LUZP2: variants seen among roughly 807,000 people sequenced by gnomAD.
The protein encoded by LUZP2 is leucine zipper protein 2.
In LUZP2, 52 loss-of-function variants were observed where a neutral mutation model predicts 51.6. The observed-to-expected ratio is 1.01, with a 90% confidence interval of 0.81 to 1.27. The LOEUF is 1.27. Among genes scored for constraint, LUZP2 ranks in the 50% most tolerant of loss-of-function variants. LUZP2 has a pLI of 0.00. For missense variants in LUZP2, 436 were observed against 395.4 expected (o/e 1.10, Z -0.87); for synonymous variants, 154 against 137.3 (o/e 1.12, Z -0.85).
intron 5 of LUZP2, among the ~76,000 whole-genome samples, chr11:24,861,909 G>C (rs1346723096): frequency 6.6e-6 from 1 of 152,090 alleles, no homozygotes; most frequent in African/African-American, 2.4e-5. Flanking sequence ...AAGTAAACAA[G>C]CCTGTTTATG....
intron 9 of LUZP2, among the ~76,000 whole-genome samples, chr11:25,017,318 TG>T (rs1363510969): frequency 6.6e-6 from 1 of 152,172 alleles, no homozygotes; most frequent in African/African-American, 2.4e-5. Flanking sequence ...GCTTTCCCTT[TG>T]GGGACTTAGT....
At position 24,699,086 on chromosome 11, in the gene LUZP2, A is replaced by AACACACACAC. The variant is rs67317108; in HGVS notation, c.63-30050_63-30041dup. Among the ~76,000 whole-genome samples the AACACACACAC allele has an allele frequency of 6.7e-3, 926 of 138,442 alleles. 10 individuals are homozygous for AACACACACAC. Among genetic ancestry groups the AACACACACAC allele is most frequent in the East Asian group, 0.023 (104 of 4,468 alleles). 90.8% of individuals were successfully genotyped at this position (138,442 alleles called of 152,430 possible). A position where few individuals can be genotyped will look rare whatever the true frequency, so the allele number is the denominator to read the frequency against. ...TAAATAAATGAAAACAAACCACAGA[A>AACACACACAC]ACACACACACACACACACACACACA... On this transcript the variant is annotated intron_variant, in intron 1 of 11. Transcript: ENST00000336930.
At chr11:24,591,747 C>G (rs1054106206) in intron 1 of LUZP2, among the ~76,000 whole-genome samples, 1 of 152,138 alleles carries the variant, frequency 6.6e-6, no homozygotes, top group Non-Finnish European at 1.5e-5. Context: ...AACATCTAAA[C>G]ACCATTCTAT....
intron 1 of LUZP2, among the ~76,000 whole-genome samples, chr11:24,655,283 C>T (rs1030523824): frequency 3.3e-5 from 5 of 152,012 alleles, no homozygotes; most frequent in Non-Finnish European, 5.9e-5. Flanking sequence ...GAATTATACA[C>T]GATTTTATTA....
At chr11:24,964,449 G>A (rs1855522621) in intron 7 of LUZP2, among the ~76,000 whole-genome samples, 1 of 152,090 alleles carries the variant, frequency 6.6e-6, no homozygotes, top group Non-Finnish European at 1.5e-5. Flanking sequence ...ATTAGTTAAG[G>A]TAGTATTAAT....
chr11:25,004,069 C>T (rs981881492), intron 9 of LUZP2, among the ~76,000 whole-genome samples: 1 of 152,142 alleles, frequency 6.6e-6, no homozygotes, highest in East Asian at 1.9e-4. Flanking sequence ...ATTTCCTGGC[C>T]CTCAATGGTT....
chr11:24,964,840 C>CAT (rs1270540356), intron 7 of LUZP2, among the ~76,000 whole-genome samples: 1 of 151,708 alleles, frequency 6.6e-6, no homozygotes, highest in Non-Finnish European at 1.5e-5. Flanking sequence ...AATCCAGGTT[C>CAT]ATATATATCA....
chr11:24,872,257 A>G (rs1410314796), intron 5 of LUZP2, among the ~76,000 whole-genome samples: 1 of 152,104 alleles, frequency 6.6e-6, no homozygotes, highest in Admixed American at 6.6e-5. Flanking sequence ...TACCAGTGCT[A>G]GTCTAATTCA....
At chr11:24,986,135 C>T (rs772027102) in intron 9 of LUZP2, among the ~76,000 whole-genome samples, 13 of 151,640 alleles carry the variant, frequency 8.6e-5, no homozygotes, top group Non-Finnish European at 1.9e-4. Context: ...TGTGTTTATT[C>T]AGAATGATAA....
At position 25,055,185 on chromosome 11, in the gene LUZP2, A is replaced by G. The variant is rs555121637; in HGVS notation, c.858+5055A>G. 1.1e-4 allele frequency among the ~76,000 whole-genome samples: 16 copies of G among 150,554 alleles called. No individual in the cohort carries two copies. In the East Asian group the frequency reaches 2.2e-3, roughly 20 times the overall value. On this transcript the variant is annotated intron_variant, in intron 10 of 11. Transcript: ENST00000336930. ...GCCACCATGACCAGCTAATTTTTGT[A>G]TTTTTAGTAGAGACGGGCTTTCACC...
intron 1 of LUZP2, among the ~76,000 whole-genome samples, chr11:24,584,846 G>T (rs900056949): frequency 6.6e-6 from 1 of 152,074 alleles, no homozygotes; most frequent in East Asian, 1.9e-4. Flanking sequence ...GATCCTAACT[G>T]GCCAGCAACC....
chr11:24,502,608 AC>A (rs1369842634), intron 1 of LUZP2, among the ~76,000 whole-genome samples: 1 of 151,632 alleles, frequency 6.6e-6, no homozygotes, highest in Non-Finnish European at 1.5e-5. Context: ...CTGGTCTTGA[AC>A]CCATGACCTC....
chr11:24,665,883 A>C (rs934506681), intron 1 of LUZP2, among the ~76,000 whole-genome samples: 1 of 152,188 alleles, frequency 6.6e-6, no homozygotes, highest in Non-Finnish European at 1.5e-5. Flanking sequence ...CTAATACAAT[A>C]GTAATTCATT....
intron 1 of LUZP2, among the ~76,000 whole-genome samples, chr11:24,524,082 C>G (rs2133807773): frequency 6.6e-6 from 1 of 151,760 alleles, no homozygotes; most frequent in East Asian, 1.9e-4. Context: ...GTCTAGTCCT[C>G]AAATTAATTT....
chr11:24,612,407 T>A (rs1000991114), intron 1 of LUZP2, among the ~76,000 whole-genome samples: 9 of 152,092 alleles, frequency 5.9e-5, no homozygotes, highest in Non-Finnish European at 1.0e-4. Flanking sequence ...GGCCAAATCA[T>A]GACTTTACAA....
In LUZP2 at chr11:24,829,028, A is replaced by G. The variant is rs1850621354; in HGVS notation, c.396+65720A>G. 2.0e-5 allele frequency among the ~76,000 whole-genome samples: 3 copies of G among 152,288 alleles called. No homozygotes were observed. The South Asian group carries it at 6.2e-4, about 32-fold the overall frequency. ...TTTTTCAAATGGAGGCATTGGCATG[A>G]TGAAACCCTGTTAGTTTCCTTCAGG... is the stretch of plus-strand genomic sequence containing the variant. On this transcript the variant is annotated intron_variant, in intron 5 of 11. Coordinates refer to ENST00000336930, the MANE Select transcript of LUZP2 (RefSeq NM_001009909.4).
At chr11:24,576,990 AC>A (rs1852674068) in intron 1 of LUZP2, among the ~76,000 whole-genome samples, 1 of 152,068 alleles carries the variant, frequency 6.6e-6, no homozygotes. Flanking sequence ...AAAGAAAAAC[AC>A]CCTATAAGCA....
chr11:24,858,037 C>G (rs1450721231), intron 5 of LUZP2, among the ~76,000 whole-genome samples: 2 of 152,036 alleles, frequency 1.3e-5, no homozygotes, highest in African/African-American at 2.4e-5. Flanking sequence ...TGAGGACTCT[C>G]ACAGCTATCA....
At chr11:24,964,054 T>A (rs1855507772) in intron 7 of LUZP2, among the ~76,000 whole-genome samples, 1 of 152,186 alleles carries the variant, frequency 6.6e-6, no homozygotes, top group African/African-American at 2.4e-5. Context: ...ACACAGGAAT[T>A]CTATTTTCAG....
Sources: allele counts gnomAD v4.1 joint callset (sites outside exome capture counted in the v4.1 genomes callset), GRCh38; gene constraint gnomAD v4.1.1; transcripts MANE v1.5; gene names NCBI Gene and HGNC (gene_info 2026-07-23, HGNC 2026-07-21).